The following ELAVL2 variants were observed in gnomAD, a reference collection of about 807,000 sequenced individuals.
The protein encoded by ELAVL2 is ELAV like RNA binding protein 2.
In ELAVL2, 4 loss-of-function variants were observed where a neutral mutation model predicts 34.6. That is an observed-to-expected ratio of 0.12 (90% CI 0.06 to 0.26). The LOEUF (loss-of-function observed/expected upper bound fraction) is 0.26, where lower values mean the gene tolerates loss of function less well. Ranked by LOEUF, ELAVL2 falls within the 10% of genes least tolerant of loss-of-function variation. The pLI, the probability that ELAVL2 is intolerant of heterozygous loss-of-function variation, is 1.00. For missense variants in ELAVL2, 432 were observed against 442.8 expected (o/e 0.98, Z 0.22); for synonymous variants, 193 against 154.8 (o/e 1.25, Z -1.83).
intron 3 of ELAVL2, among the ~76,000 whole-genome samples, chr9:23,714,492 G>A (rs1176664531): frequency 1.3e-5 from 2 of 152,192 alleles, no homozygotes; most frequent in Admixed American, 6.5e-5. Flanking sequence ...CTGTCTTACT[G>A]ACATACAGAG....
At chr9:23,766,847 A>G (rs1193851007) in intron 1 of ELAVL2, among the ~76,000 whole-genome samples, 2 of 152,046 alleles carry the variant, frequency 1.3e-5, no homozygotes, top group Non-Finnish European at 1.5e-5. Context: ...ACCACAGACA[A>G]CTGGGCTGTG....
the ELAVL2 span, among the ~76,000 whole-genome samples, chr9:23,848,675 CTG>C: frequency 8.5e-5 from 13 of 152,246 alleles, 1 homozygote; most frequent in African/African-American, 3.1e-4. Context: ...AAGTTATTTT[CTG>C]TGTTTCCTAT....
At chr9:23,723,427 C>T (rs554441608) in intron 3 of ELAVL2, among the ~76,000 whole-genome samples, 10 of 150,792 alleles carry the variant, frequency 6.6e-5, no homozygotes, top group South Asian at 2.1e-4. Context: ...GTTGTGGGGA[C>T]GGGGGAGGGA....
Position 23,789,364 on chromosome 9 carries a change from A to G in ELAVL2, c.-15-27115T>C, listed in dbSNP as rs535802531. On this transcript the variant is annotated intron_variant, in intron 1 of 6. Coordinates refer to ENST00000397312, the MANE Select transcript of ELAVL2 (RefSeq NM_004432.5). ...CCGTCATTTCACAAATAGTGAATTT[A>G]TATATTAAGTGATTTATTAAATTTA... 2.0e-5 allele frequency among the ~76,000 whole-genome samples: 3 copies of G among 152,350 alleles called. No homozygotes were observed. The East Asian group carries it at 5.8e-4, about 29-fold the overall frequency.
intron 1 of ELAVL2, among the ~76,000 whole-genome samples, chr9:23,793,970 C>A (rs976200516): frequency 1.3e-5 from 2 of 152,172 alleles, no homozygotes; most frequent in Non-Finnish European, 2.9e-5. Flanking sequence ...TATCATACAG[C>A]CATTTGTAAG....
At chr9:23,765,147 T>C (rs1564357302) in intron 1 of ELAVL2, 5 of 1,522,490 alleles carry the variant, frequency 3.3e-6, no homozygotes, top group Non-Finnish European at 8.9e-7. Context: ...AGCAAGATAA[T>C]GCAACAAATC....
the ELAVL2 span, among the ~76,000 whole-genome samples, chr9:23,833,516 AAATTT>A: frequency 1.3e-5 from 2 of 152,032 alleles, no homozygotes; most frequent in South Asian, 4.1e-4. Flanking sequence ...GATATTTTAT[AAATTT>A]AAATTATAGC....
chr9:23,759,145 C>T (rs968659000), intron 2 of ELAVL2, among the ~76,000 whole-genome samples: 15 of 151,996 alleles, frequency 9.9e-5, no homozygotes, highest in African/African-American at 3.1e-4. Context: ...ATGTTTACAA[C>T]AGCCAAAATA....
intron 1 of ELAVL2, among the ~76,000 whole-genome samples, chr9:23,794,958 C>A (rs2060736832): frequency 6.6e-6 from 1 of 152,088 alleles, no homozygotes; most frequent in African/African-American, 2.4e-5. Context: ...ACTTCTTTAA[C>A]CAAATTTCCC....
At chr9:23,786,903 G>A (rs901549096) in intron 1 of ELAVL2, among the ~76,000 whole-genome samples, 2 of 151,776 alleles carry the variant, frequency 1.3e-5, no homozygotes, top group African/African-American at 4.8e-5. Flanking sequence ...AAGAAGTTCT[G>A]ATGCTGTTTC....
At chr9:23,728,576 G>A (rs1307825949) in intron 3 of ELAVL2, among the ~76,000 whole-genome samples, 2 of 152,074 alleles carry the variant, frequency 1.3e-5, no homozygotes, top group Non-Finnish European at 1.5e-5. Context: ...TGCTGTGTAA[G>A]AAAGTGGTGC....
chr9:23,713,919 C>G (rs768895363), intron 3 of ELAVL2, among the ~76,000 whole-genome samples: 3 of 152,086 alleles, frequency 2.0e-5, no homozygotes, highest in Non-Finnish European at 2.9e-5. Context: ...CTGTTACTTA[C>G]CAGTTAATCA....
intron 3 of ELAVL2, among the ~76,000 whole-genome samples, chr9:23,723,262 T>C (rs1054752126): frequency 2.0e-5 from 3 of 152,118 alleles, no homozygotes; most frequent in Non-Finnish European, 4.4e-5. Flanking sequence ...TGAGTTCATG[T>C]CCTTTGTAGG....
At chr9:23,743,578 C>T (rs753836333) in intron 2 of ELAVL2, among the ~76,000 whole-genome samples, 4 of 152,120 alleles carry the variant, frequency 2.6e-5, no homozygotes, top group Non-Finnish European at 4.4e-5. Flanking sequence ...ATATTAAAAA[C>T]GAACTATCTA....
chr9:23,845,583 C>T, the ELAVL2 span, among the ~76,000 whole-genome samples: 3 of 151,304 alleles, frequency 2.0e-5, no homozygotes, highest in South Asian at 6.2e-4. Flanking sequence ...CCCTTAATAA[C>T]CTGGTTCTTA....
chr9:23,767,447 C>T (rs1015548428), intron 1 of ELAVL2, among the ~76,000 whole-genome samples: 1 of 152,140 alleles, frequency 6.6e-6, no homozygotes, highest in African/African-American at 2.4e-5. Flanking sequence ...TATTTTCAAA[C>T]CTCTTGCAGA....
intron 1 of ELAVL2, among the ~76,000 whole-genome samples, chr9:23,785,589 T>G (rs1313833205): frequency 6.6e-6 from 1 of 152,182 alleles, no homozygotes; most frequent in African/African-American, 2.4e-5. Flanking sequence ...CCCTTCAAAT[T>G]GAAGCCACTA....
intron 1 of ELAVL2, among the ~76,000 whole-genome samples, chr9:23,764,419 T>C (rs1219793638): frequency 1.3e-5 from 2 of 152,156 alleles, no homozygotes; most frequent in African/African-American, 4.8e-5. Context: ...TGCAGTAGGC[T>C]GTGTGCGCTG....
At chr9:23,707,824 G>C (rs776040617) in intron 3 of ELAVL2, among the ~76,000 whole-genome samples, 1 of 152,150 alleles carries the variant, frequency 6.6e-6, no homozygotes, top group Non-Finnish European at 1.5e-5. Context: ...ACATGCATCT[G>C]AAAATTTAGG....
Sources: allele counts gnomAD v4.1 joint callset (sites outside exome capture counted in the v4.1 genomes callset), GRCh38; gene constraint gnomAD v4.1.1; transcripts MANE v1.5; gene names NCBI Gene and HGNC (gene_info 2026-07-23, HGNC 2026-07-21).